The following TIAM1 variants were observed in gnomAD, a reference collection of about 807,000 sequenced individuals.
TIAM1 encodes the protein rho guanine nucleotide exchange factor TIAM1.
In TIAM1, 65 loss-of-function variants were observed where a neutral mutation model predicts 163.5. That is an observed-to-expected ratio of 0.40 (90% CI 0.33 to 0.49). TIAM1 has a LOEUF of 0.49. Among genes scored for constraint, TIAM1 ranks in the 20% least tolerant of loss-of-function variants. The pLI, the probability that TIAM1 is intolerant of heterozygous loss-of-function variation, is 0.77. For missense variants in TIAM1, 1,789 were observed against 2,044.7 expected (o/e 0.87, Z 2.41); for synonymous variants, 833 against 810.1 (o/e 1.03, Z -0.48).
chr21:31,264,463 T>A (rs542626151), intron 4 of TIAM1, among the ~76,000 whole-genome samples: 1 of 152,344 alleles, frequency 6.6e-6, no homozygotes, highest in African/African-American at 2.4e-5. Context: ...ATGCTTCACA[T>A]ATTATTTCAT....
intron 2 of TIAM1, among the ~76,000 whole-genome samples, chr21:31,462,973 C>T (rs1371018796): frequency 6.6e-6 from 1 of 152,120 alleles, no homozygotes; most frequent in Non-Finnish European, 1.5e-5. Context: ...CAACTCCTGA[C>T]GTCAGGTGAT....
At chr21:31,349,167 T>C (rs1330631150), upstream of TIAM1, among the ~76,000 whole-genome samples, 2 of 152,222 alleles carry the variant, frequency 1.3e-5, no homozygotes, top group African/African-American at 4.8e-5. Flanking sequence ...AAGCCCCCAT[T>C]GTTTTCATTA....
At chr21:31,443,473 T>G (rs911416330) in intron 2 of TIAM1, among the ~76,000 whole-genome samples, 1 of 152,370 alleles carries the variant, frequency 6.6e-6, no homozygotes, top group Middle Eastern at 3.4e-3. Context: ...AACGTTATCA[T>G]GCAGAGCTAA....
chr21:31,473,817 C>T (rs901415959), intron 1 of TIAM1, among the ~76,000 whole-genome samples: 1 of 152,162 alleles, frequency 6.6e-6, no homozygotes, highest in Non-Finnish European at 1.5e-5. Flanking sequence ...TTCCCCTCCT[C>T]TGTCACCTTA....
chr21:31,318,933 A>G (rs1191162525), intron 2 of TIAM1, among the ~76,000 whole-genome samples: 1 of 152,106 alleles, frequency 6.6e-6, no homozygotes, highest in Non-Finnish European at 1.5e-5. Flanking sequence ...GCGCAATCAC[A>G]GCTCACTGCA....
intron 10 of TIAM1, among the ~76,000 whole-genome samples, 155 bp from the exon 11 acceptor site, chr21:31,210,370 G>A: frequency 6.6e-6 from 1 of 151,708 alleles, no homozygotes. Context: ...TGGAGAGAGA[G>A]AAACTACTGA....
At chr21:31,231,764 C>T (rs1242684850) in intron 6 of TIAM1, among the ~76,000 whole-genome samples, 6 of 152,060 alleles carry the variant, frequency 3.9e-5, no homozygotes, top group Non-Finnish European at 5.9e-5. Flanking sequence ...GCCTGTAGTC[C>T]CAGCACTTTG....
At chr21:31,519,836 C>T (rs1429413523) in intron 1 of TIAM1, among the ~76,000 whole-genome samples, 1 of 152,146 alleles carries the variant, frequency 6.6e-6, no homozygotes, top group East Asian at 1.9e-4. Flanking sequence ...CATGAGGTCC[C>T]TAGAGCAGTC....
At chr21:31,145,291 G>C (rs887844316) in intron 20 of TIAM1, among the ~76,000 whole-genome samples, 2 of 152,164 alleles carry the variant, frequency 1.3e-5, no homozygotes, top group African/African-American at 4.8e-5. Context: ...TCTGTATTGT[G>C]CTAATACTTC....
At position 31,141,054 on chromosome 21, in the gene TIAM1, T is replaced by C. The variant is rs1345122360; in HGVS notation, c.3774+64A>G. On this transcript the variant is annotated intron_variant, in intron 22 of 27. Coordinates refer to ENST00000541036, the MANE Select transcript of TIAM1 (RefSeq NM_001353694.2). This position sits in a 1 kb window ranked among gnomAD's most constrained non-coding sequence, Gnocchi z 4.7. ...AACACCTTTTTAAAAAATAAATAAA[T>C]AAATAAAAGCAAACTCAAACTCGGC... 2.1e-5 allele frequency: 27 copies of C among 1,287,086 alleles called. No individual in the cohort carries two copies. The highest frequency in any genetic ancestry group is 2.8e-5 in the Non-Finnish European group (26 of 924,514). The allele number at this position is 1,287,086 out of a possible 1,614,324, so 79.7% of individuals were successfully genotyped here. A position where few individuals can be genotyped will look rare whatever the true frequency, so the allele number is the denominator to read the frequency against.
chr21:31,451,718 C>CATGT (rs2044852640), intron 2 of TIAM1, among the ~76,000 whole-genome samples: 2 of 142,166 alleles, frequency 1.4e-5, no homozygotes, highest in Non-Finnish European at 3.1e-5. Flanking sequence ...CATGTGTGTG[C>CATGT]GTGTGTGTGT....
intron 15 of TIAM1, among the ~76,000 whole-genome samples, 183 bp from the exon 16 acceptor site, chr21:31,165,248 T>C (rs2084152423): frequency 6.6e-6 from 1 of 152,252 alleles, no homozygotes; most frequent in Non-Finnish European, 1.5e-5. Context: ...CTGTTACTAC[T>C]AGTATTATTA....
intron 1 of TIAM1, among the ~76,000 whole-genome samples, chr21:31,464,979 C>T (rs2045471384): frequency 6.6e-6 from 1 of 151,942 alleles, no homozygotes; most frequent in African/African-American, 2.4e-5. Context: ...CGCCGCACTC[C>T]AGCTTGGGGG....
At chr21:31,427,419 G>A (rs139578807) in intron 2 of TIAM1, among the ~76,000 whole-genome samples, 7 of 151,934 alleles carry the variant, frequency 4.6e-5, no homozygotes, top group Non-Finnish European at 8.8e-5. Flanking sequence ...CCTGGAAGGC[G>A]GGGGTTGCAG....
intron 6 of TIAM1, among the ~76,000 whole-genome samples, chr21:31,228,252 A>AGGAG (rs1601627070): frequency 1.0e-4 from 8 of 78,116 alleles, no homozygotes; most frequent in Non-Finnish European, 2.0e-4. Flanking sequence ...AAAAAAAAAA[A>AGGAG]AAAAAAAGGA....
chr21:31,207,383 G>A (rs1488019233), intron 11 of TIAM1, among the ~76,000 whole-genome samples: 1 of 152,118 alleles, frequency 6.6e-6, no homozygotes, highest in South Asian at 2.1e-4. Flanking sequence ...GCAAGAGACA[G>A]AAGAAACAGA....
At chr21:31,231,535 C>T (rs188589230) in intron 6 of TIAM1, among the ~76,000 whole-genome samples, 4 of 152,238 alleles carry the variant, frequency 2.6e-5, no homozygotes, top group Admixed American at 1.3e-4. Context: ...CGTTTGTCTT[C>T]CACGTAAGAA....
In TIAM1 at chr21:31,266,014, G is replaced by C. The variant is rs768200360; in HGVS notation, c.959C>G (p.Thr320Ser). 9.3e-6 allele frequency: 15 copies of C among 1,612,394 alleles called. No individual in the cohort carries two copies. The highest frequency in any genetic ancestry group is 3.3e-5 in the Admixed American group (2 of 59,896). The change falls in exon 4 of 28, where the codon ACT becomes AGT. Residue 320 changes from threonine (T) to serine (S), a missense_variant. Physicochemically the swap from Thr to Ser is moderately conservative, Grantham distance 58 (BLOSUM62 1). Coordinates refer to ENST00000541036, the MANE Select transcript of TIAM1 (RefSeq NM_001353694.2). ...NSMQGRRAKT[T>S]QDVNAGEGSE... ...AACAAATTTCAATCACTTTACCTGA[G>C]TTGTTTTAGCTCTTCTGCCTTGCAT... is the stretch of plus-strand genomic sequence containing the variant.
intron 23 of TIAM1, among the ~76,000 whole-genome samples, chr21:31,133,886 G>A (rs967951693): frequency 2.0e-5 from 3 of 152,108 alleles, no homozygotes. Context: ...TGGCCAACAT[G>A]GTGAAACTCC....
Sources: gnomAD v4.1 joint callset for allele counts (sites outside exome capture counted in the v4.1 genomes callset) on GRCh38, gnomAD v4.1.1 for gene constraint, Gnocchi (gnomAD v3.1) non-coding constraint, MANE v1.5 for transcripts, NCBI Gene and HGNC (gene_info 2026-07-23, HGNC 2026-07-21) for gene names.